The following FAM13A variants were observed in gnomAD, a reference collection of about 807,000 sequenced individuals.
FAM13A encodes the protein family with sequence similarity 13 member A, also known as protein FAM13A.
A neutral mutation model predicts 129.6 loss-of-function variants in FAM13A; 76 were observed. That is an observed-to-expected ratio of 0.59 (90% confidence interval 0.49 to 0.71). The LOEUF (loss-of-function observed/expected upper bound fraction) is 0.71. FAM13A is among the 30% of genes least tolerant of loss of function. The pLI is 0.00. For missense variants in FAM13A, 1,108 were observed against 1,249.3 expected (o/e 0.89, Z 1.70); for synonymous variants, 443 against 449.9 (o/e 0.98, Z 0.20).
chr4:88,936,681 T>C (rs1184435951), intron 5 of FAM13A: 1 of 152,294 alleles, frequency 6.6e-6, no homozygotes, highest in African/African-American at 2.4e-5. Context: ...CTCAGCAAGT[T>C]TGCCCTGCCT....
chr4:88,938,209 T>C lies in FAM13A; in HGVS notation c.638A>G (p.Gln213Arg). Residue 213 changes from glutamine (Q) to arginine (R), a missense_variant, in exon 5 of 24, where the codon CAG becomes CGG. This residue lies in a region of FAM13A where 566 missense variants were observed against 595.7 expected (regional missense o/e 0.95). Transcript: ENST00000264344. The part of the protein sequence containing the change: ...VPPGLEGMKE[Q>R]DLCNKIMAKI... Reference sequence around the variant, plus strand: ...AGCCATTATCTTGTTGCACAGGTCCTGTTCCTTCATGCCTTCAAGCCCAGG... The same window carrying C: ...AGCCATTATCTTGTTGCACAGGTCCCGTTCCTTCATGCCTTCAAGCCCAGG... 1.9e-6 allele frequency: 3 copies of C among 1,611,602 alleles called. No homozygotes were observed. Among genetic ancestry groups the C allele is most frequent in the Non-Finnish European group, 2.5e-6 (3 of 1,179,174 alleles).
intron 8 of FAM13A, among the ~76,000 whole-genome samples, chr4:88,797,092 A>G (rs1165763035): frequency 6.6e-6 from 1 of 152,102 alleles, no homozygotes; most frequent in East Asian, 1.9e-4. Context: ...CCTTTCCACC[A>G]ATGCTTATAA....
intron 5 of FAM13A, among the ~76,000 whole-genome samples, chr4:88,918,478 C>T (rs1750470013): frequency 6.6e-6 from 1 of 152,214 alleles, no homozygotes; most frequent in Non-Finnish European, 1.5e-5. Context: ...TGAAGCCAGG[C>T]TATCTGTCTC....
At chr4:89,011,768 A>G (rs375570457) in intron 3 of FAM13A, among the ~76,000 whole-genome samples, 1 of 152,094 alleles carries the variant, frequency 6.6e-6, no homozygotes, top group Admixed American at 6.6e-5. Flanking sequence ...GTTGTCTCCA[A>G]TCTTATTTTT....
At position 89,047,705 on chromosome 4, in the gene FAM13A, C is replaced by T. The variant is rs1366263660; in HGVS notation, c.27+9233G>A. Among the ~76,000 whole-genome samples, 5 of 152,246 alleles carry T rather than the reference C, an allele frequency of 3.3e-5. No individual in the cohort carries two copies. In the South Asian group the frequency reaches 8.3e-4, roughly 25 times the overall value. ...AGGGGGAACCAGCGGTGAAAACTAG[C>T]GGCTTTGGTGATTTGGAAGAGAGGA... On this transcript the variant is annotated intron_variant, in intron 1 of 23. Coordinates refer to ENST00000264344, the MANE Select transcript of FAM13A (RefSeq NM_014883.4).
At chr4:88,750,693 C>T in intron 14 of FAM13A, 56 bp from the exon 15 acceptor site, 1 of 1,350,050 alleles carries the variant, frequency 7.4e-7, no homozygotes, top group South Asian at 1.2e-5. Context: ...CAGGGTTGTT[C>T]TTTAAAACAC....
intron 10 of FAM13A, among the ~76,000 whole-genome samples, chr4:88,785,863 T>C (rs1228374304): frequency 1.3e-5 from 2 of 152,108 alleles, no homozygotes; most frequent in Non-Finnish European, 2.9e-5. Context: ...TTAGGTACTG[T>C]TTGTACCCCA....
At chr4:88,930,575 A>G (rs1489182750) in intron 5 of FAM13A, among the ~76,000 whole-genome samples, 1 of 152,136 alleles carries the variant, frequency 6.6e-6, no homozygotes, top group Non-Finnish European at 1.5e-5. Flanking sequence ...TGGTGGTGGC[A>G]GCAATGGATT....
intron 10 of FAM13A, among the ~76,000 whole-genome samples, chr4:88,781,925 G>T (rs1334085363): frequency 6.6e-6 from 1 of 150,760 alleles, no homozygotes. Context: ...CACCAACATG[G>T]CACATGTATA....
At chr4:88,784,160 C>T (rs1270787928) in intron 10 of FAM13A, among the ~76,000 whole-genome samples, 2 of 152,134 alleles carry the variant, frequency 1.3e-5, no homozygotes, top group East Asian at 1.9e-4. Flanking sequence ...CTGTCTCCTC[C>T]GAGGGAAGTC....
intron 5 of FAM13A, among the ~76,000 whole-genome samples, chr4:88,913,558 A>T (rs567666622): frequency 5.4e-4 from 82 of 152,176 alleles, no homozygotes; most frequent in Admixed American, 1.8e-3. Flanking sequence ...GAAGAGGAGG[A>T]GGAGGAAGAA....
chr4:89,019,000 C>T (rs907149879), intron 3 of FAM13A, among the ~76,000 whole-genome samples: 6 of 152,118 alleles, frequency 3.9e-5, no homozygotes. Context: ...GAGGTCACCA[C>T]GGGAGGCCAG....
At chr4:88,787,979 T>C in intron 9 of FAM13A, 47 bp from the exon 10 acceptor site, 1 of 1,501,172 alleles carries the variant, frequency 6.7e-7, no homozygotes, top group Non-Finnish European at 9.1e-7. Context: ...AGTTCATCAG[T>C]GATCACCTTA....
At chr4:88,942,587 G>T (rs1024525047) in intron 4 of FAM13A, among the ~76,000 whole-genome samples, 1 of 131,698 alleles carries the variant, frequency 7.6e-6, no homozygotes, top group Non-Finnish European at 1.7e-5. Flanking sequence ...TAAATAAATA[G>T]AAATGTAAAA....
chr4:88,781,404 A>C, intron 10 of FAM13A, 53 bp from the exon 11 acceptor site: 1 of 1,268,354 alleles, frequency 7.9e-7, no homozygotes, highest in Admixed American at 2.0e-5. Flanking sequence ...ATGGTCATTG[A>C]ATGATACTCT....
intron 4 of FAM13A, among the ~76,000 whole-genome samples, chr4:88,974,923 C>T (rs552665846): frequency 8.6e-4 from 131 of 152,234 alleles, no homozygotes; most frequent in Non-Finnish European, 1.4e-3. Flanking sequence ...CAGCACTTAT[C>T]ACAACTGTAA....
intron 11 of FAM13A, among the ~76,000 whole-genome samples, chr4:88,778,876 C>T (rs769866934): frequency 1.3e-5 from 2 of 152,142 alleles, no homozygotes; most frequent in Non-Finnish European, 2.9e-5. Flanking sequence ...TTCCAGAAAA[C>T]AATTGCCTCA....
intron 3 of FAM13A, among the ~76,000 whole-genome samples, chr4:89,016,475 G>A (rs1362527892): frequency 6.6e-6 from 1 of 152,124 alleles, no homozygotes; most frequent in Non-Finnish European, 1.5e-5. Context: ...CAGTGGTGCA[G>A]TAATCTCCTA....
At chr4:88,974,069 T>C (rs1474212270) in intron 4 of FAM13A, among the ~76,000 whole-genome samples, 1 of 152,168 alleles carries the variant, frequency 6.6e-6, no homozygotes, top group Non-Finnish European at 1.5e-5. Context: ...CTCCTCCCCA[T>C]GTCAGAAGCA....
Sources: gnomAD v4.1 joint callset for allele counts (sites outside exome capture counted in the v4.1 genomes callset) on GRCh38, gnomAD v4.1.1 for gene constraint, gnomAD v4.1.1 regional missense constraint, MANE v1.5 for transcripts, NCBI Gene and HGNC (gene_info 2026-07-23, HGNC 2026-07-21) for gene names.